Variants in ARHGAP23 observed in about 807,000 individuals in gnomAD.
The protein encoded by ARHGAP23 is rho GTPase-activating protein 23.
Under a neutral mutation model 136.3 loss-of-function variants are expected in ARHGAP23, and 34 were observed. The observed-to-expected ratio is 0.25, with a 90% CI of 0.19 to 0.33. The LOEUF (loss-of-function observed/expected upper bound fraction) is 0.33, where lower values mean the gene tolerates loss of function less well. ARHGAP23 is among the 10% of genes least tolerant of loss of function. The pLI, the probability that ARHGAP23 is intolerant of heterozygous loss-of-function variation, is 1.00. For missense variants in ARHGAP23, 1,808 were observed against 2,139.0 expected (o/e 0.85, Z 3.05); for synonymous variants, 832 against 920.5 (o/e 0.90, Z 1.74).
At chr17:38,425,762 G>A (rs2038563287), upstream of ARHGAP23, among the ~76,000 whole-genome samples, 2 of 152,140 alleles carry the variant, frequency 1.3e-5, no homozygotes, top group African/African-American at 2.4e-5. Flanking sequence ...AGAGAGGAAG[G>A]GGAGCCCGGA....
intron 1 of ARHGAP23, among the ~76,000 whole-genome samples, chr17:38,438,118 C>T (rs147076536): frequency 2.0e-5 from 3 of 152,076 alleles, no homozygotes; most frequent in African/African-American, 4.8e-5. Flanking sequence ...GGCAAGAGAT[C>T]GAGACCGTCC....
In ARHGAP23 at chr17:38,503,870, A is replaced by G. The variant is rs139243537; in HGVS notation, c.3447+3242A>G. On this transcript the variant is annotated intron_variant, in intron 23 of 23. Coordinates refer to ENST00000622683, the MANE Select transcript of ARHGAP23 (RefSeq NM_001199417.2). ...CAGTGAGTTCATCACAATCACTAGCATGAGATGAAAGAGGAGGGAATGCAC... is the reference window on the plus strand; with the variant it reads ...CAGTGAGTTCATCACAATCACTAGCGTGAGATGAAAGAGGAGGGAATGCAC... Among the ~76,000 whole-genome samples the G allele has an allele frequency of 8.9e-3, 1,351 of 152,360 alleles. 20 individuals are homozygous for G. The highest frequency in any genetic ancestry group is 0.031 in the African/African-American group (1,286 of 41,580).
At chr17:38,421,028 A>G (rs1461672696) in intron 1 of ARHGAP23, among the ~76,000 whole-genome samples, 2 of 152,074 alleles carry the variant, frequency 1.3e-5, no homozygotes, top group Non-Finnish European at 2.9e-5. Flanking sequence ...TTGTTCCTCC[A>G]AGTAGCCCAT....
At chr17:38,428,383 G>GGGC, upstream of ARHGAP23, 2 of 377,812 alleles carry the variant, frequency 5.3e-6, no homozygotes, top group Non-Finnish European at 8.5e-6. Flanking sequence ...CCCGGGGGGG[G>GGGC]CCCCCCCACA....
intron 1 of ARHGAP23, among the ~76,000 whole-genome samples, chr17:38,438,099 A>G (rs545643600): frequency 3.9e-4 from 60 of 152,190 alleles, no homozygotes; most frequent in African/African-American, 1.4e-3. Context: ...AAGGTGGGCA[A>G]ATCACGAGGG....
At chr17:38,446,757 G>T (rs1309782604) in intron 1 of ARHGAP23, among the ~76,000 whole-genome samples, 2 of 151,948 alleles carry the variant, frequency 1.3e-5, no homozygotes, top group East Asian at 1.9e-4. Context: ...AATTTTTTGA[G>T]AAACTGCCAT....
At chr17:38,468,372 C>CGT (rs2039663592) in intron 7 of ARHGAP23, among the ~76,000 whole-genome samples, 2 of 151,724 alleles carry the variant, frequency 1.3e-5, no homozygotes, top group African/African-American at 4.9e-5. Flanking sequence ...GCCTCACCCC[C>CGT]GTGTTGGGAG....
chr17:38,469,699 A>G, intron 9 of ARHGAP23, 64 bp downstream of exon 9: 2 of 1,525,556 alleles, frequency 1.3e-6, no homozygotes, highest in Non-Finnish European at 1.8e-6. Context: ...GCTCTGGGGC[A>G]GGGCTCTTGG....
At chr17:38,428,459 C>G (rs1267529703), upstream of ARHGAP23, 113 of 1,421,198 alleles carry the variant, frequency 8.0e-5, no homozygotes, top group Admixed American at 5.9e-4. Flanking sequence ...AGCCGTGCCC[C>G]GGCCGCAGAG....
intron 1 of ARHGAP23, among the ~76,000 whole-genome samples, chr17:38,436,097 C>T (rs2038790406): frequency 6.6e-6 from 1 of 152,154 alleles, no homozygotes; most frequent in South Asian, 2.1e-4. Flanking sequence ...TCCCACACAG[C>T]ACCTAGACGT....
chr17:38,486,203 A>G (rs2040155647), intron 17 of ARHGAP23, 63 bp downstream of exon 17: 3 of 1,378,776 alleles, frequency 2.2e-6, no homozygotes, highest in Non-Finnish European at 3.0e-6. Flanking sequence ...CCTGACCACT[A>G]CTTTTGCATT....
intron 1 of ARHGAP23, among the ~76,000 whole-genome samples, chr17:38,421,412 A>G (rs1443628363): frequency 6.6e-6 from 1 of 152,114 alleles, no homozygotes; most frequent in Admixed American, 6.6e-5. Flanking sequence ...GCCTAGGCTG[A>G]TGTGGTTAAC....
In ARHGAP23 at chr17:38,423,195, A is replaced by AT. The variant is rs879795174; in HGVS notation, n.120+3811dup. 5.1e-3 allele frequency among the ~76,000 whole-genome samples: 727 copies of AT among 142,642 alleles called. 3 individuals carry two copies. The highest frequency in any genetic ancestry group is 9.5e-3 in the African/African-American group (369 of 38,856). 93.6% of individuals were successfully genotyped at this position (142,642 alleles called of 152,430 possible). A position where few individuals can be genotyped will look rare whatever the true frequency, so the allele number is the denominator to read the frequency against. The stretch of plus-strand genomic sequence containing the variant: ...GTTTGCATGTACTAGGTGCTCAATA[A>AT]TTTTTTTTTTTTTTTGAGACGATGT... On this transcript the variant is annotated intron_variant and non_coding_transcript_variant, in intron 1 of 4. Transcript: ENST00000633445.
At chr17:38,504,513 C>G (rs1204141156) in intron 23 of ARHGAP23, among the ~76,000 whole-genome samples, 1 of 152,248 alleles carries the variant, frequency 6.6e-6, no homozygotes, top group Non-Finnish European at 1.5e-5. Context: ...GCCGGACATT[C>G]ACGACTGCCA....
intron 1 of ARHGAP23, among the ~76,000 whole-genome samples, chr17:38,437,408 G>A (rs2038821309): frequency 6.6e-6 from 1 of 152,038 alleles, no homozygotes; most frequent in African/African-American, 2.4e-5. Context: ...TTACAGGCAT[G>A]AACCAAAGAT....
At chr17:38,426,683 G>A (rs1333312512), upstream of ARHGAP23, among the ~76,000 whole-genome samples, 1 of 152,038 alleles carries the variant, frequency 6.6e-6, no homozygotes, top group African/African-American at 2.4e-5. Flanking sequence ...AGGGAGAGGA[G>A]TCATTTAACT....
At position 38,469,217 on chromosome 17, in the gene ARHGAP23, G is replaced by T; in HGVS notation, c.1722G>T (p.Met574Ile). Residue 574 changes from methionine to isoleucine, a missense_variant, in exon 8 of 24, where the codon ATG (methionine) becomes ATT (isoleucine). Met to Ile is a conservative substitution (Grantham distance 10, BLOSUM62 1). Coordinates refer to ENST00000622683, the MANE Select transcript of ARHGAP23 (RefSeq NM_001199417.2). Reference sequence around the variant, plus strand: ...CCTCTGCTGTGGTCTCCAGTGCCATGAACTCAGCCCCTGTCCTGGGCACCA... The same window carrying T: ...CCTCTGCTGTGGTCTCCAGTGCCATTAACTCAGCCCCTGTCCTGGGCACCA... ...VPASAVVSSAMNSAPVLGTSP... is the reference protein window; with the variant it reads ...VPASAVVSSAINSAPVLGTSP... 1 of 1,551,634 alleles carries T rather than the reference G, an allele frequency of 6.4e-7. No homozygotes were observed. Among genetic ancestry groups the T allele is most frequent in the East Asian group, 2.4e-5 (1 of 40,920 alleles).
chr17:38,449,505 C>G (rs906307234), intron 1 of ARHGAP23, among the ~76,000 whole-genome samples: 2 of 152,218 alleles, frequency 1.3e-5, no homozygotes, highest in Admixed American at 6.5e-5. Context: ...TGCTGGGAAC[C>G]AGGCATCTGA....
At chr17:38,472,558 G>A (rs2039787700) in intron 11 of ARHGAP23, among the ~76,000 whole-genome samples, 1 of 151,820 alleles carries the variant, frequency 6.6e-6, no homozygotes, top group Non-Finnish European at 1.5e-5. Context: ...GATGAGAGGC[G>A]AAGGGGGCTT....
Sources: gnomAD v4.1 joint callset for allele counts (sites outside exome capture counted in the v4.1 genomes callset) on GRCh38, gnomAD v4.1.1 for gene constraint, MANE v1.5 for transcripts, NCBI Gene and HGNC (gene_info 2026-07-23, HGNC 2026-07-21) for gene names.